BPIFB4: variants seen among roughly 807,000 people sequenced by gnomAD.
The protein encoded by BPIFB4 is BPI fold-containing family B member 4.
In BPIFB4, 62 loss-of-function variants were observed where a neutral mutation model predicts 69.2. The ratio of observed to expected loss-of-function variants is 0.90; its 90% confidence interval spans 0.73 to 1.11. The LOEUF is 1.11. Ranked by LOEUF, BPIFB4 falls within the 50% of genes least tolerant of loss-of-function variation. The pLI is 0.00. For synonymous variants in BPIFB4, 330 were observed against 332.7 expected, an observed-to-expected ratio of 0.99 and a Z score of 0.09; for missense variants, 789 against 792.0, an observed-to-expected ratio of 1.00 and a Z score of 0.04.
chr20:33,101,970 A>C (rs1981920050), intron 14 of BPIFB4, among the ~76,000 whole-genome samples: 1 of 152,232 alleles, frequency 6.6e-6, no homozygotes, highest in African/African-American at 2.4e-5. Flanking sequence ...TTTCTTTTAC[A>C]ACCAATATTT....
At chr20:33,081,444 C>G in intron 2 of BPIFB4, 68 bp from the exon 3 acceptor site, 1 of 1,528,690 alleles carries the variant, frequency 6.5e-7, no homozygotes, top group East Asian at 2.5e-5. Flanking sequence ...CTGGGGCTGC[C>G]TAGTGCTACC....
intron 3 of BPIFB4, 88 bp from the exon 4 acceptor site, chr20:33,082,850 G>T: frequency 1.5e-6 from 2 of 1,297,264 alleles, no homozygotes; most frequent in Middle Eastern, 1.8e-4. Context: ...GAGGCCCAGG[G>T]AGCTGAGCAA....
chr20:33,092,669 GC>G lies in BPIFB4; in HGVS notation c.1344+15del. 1 of 1,601,752 alleles carries G rather than the reference GC, an allele frequency of 6.2e-7. No homozygotes were observed. The stretch of plus-strand genomic sequence containing the variant: ...ATCACCAATGGCATGGTGAGTCACA[GC>G]CCCACCAGGGGGAGGTGGCTGGGCA... On this transcript the variant is annotated intron_variant, in intron 11 of 17. Transcript: ENST00000375483.
chr20:33,094,139 C>T (rs1017714282), intron 11 of BPIFB4, among the ~76,000 whole-genome samples: 11 of 152,190 alleles, frequency 7.2e-5, no homozygotes, highest in Admixed American at 5.2e-4. Flanking sequence ...ACTTGGTGTC[C>T]GTATATAGTT....
At chr20:33,079,931 AG>A (rs1271700255) in intron 1 of BPIFB4, among the ~76,000 whole-genome samples, 2 of 152,316 alleles carry the variant, frequency 1.3e-5, no homozygotes, top group Admixed American at 1.3e-4. Flanking sequence ...CATCTTTCCC[AG>A]GGACGTTGGG....
chr20:33,090,900 A>G (rs1981581629), intron 10 of BPIFB4, 101 bp downstream of exon 10: 24 of 1,382,048 alleles, frequency 1.7e-5, no homozygotes, highest in Non-Finnish European at 2.4e-5. Flanking sequence ...CCTGGGAAGT[A>G]ACACTTGACA....
chr20:33,092,775 C>A (rs1600557792), intron 11 of BPIFB4, 117 bp downstream of exon 11: 2 of 935,460 alleles, frequency 2.1e-6, no homozygotes, highest in Admixed American at 4.1e-5. Flanking sequence ...AGATGGTCCA[C>A]CCCTTGACTC....
chr20:33,106,904 G>A (rs1162775952), intron 16 of BPIFB4, among the ~76,000 whole-genome samples: 6 of 152,134 alleles, frequency 3.9e-5, no homozygotes, highest in African/African-American at 1.4e-4. Context: ...AAGGCCTAGA[G>A]GCATAAAAGA....
rs781671675 is a variant in BPIFB4 at position 33,089,519 on chromosome 20, G to A, written c.1012G>A (p.Val338Met). 1.2e-6 allele frequency: 2 copies of A among 1,614,244 alleles called. No individual in the cohort carries two copies. Among genetic ancestry groups the A allele is most frequent in the South Asian group, 2.2e-5 (2 of 91,084 alleles). Residue 338 changes from valine to methionine, a missense_variant, in exon 9 of 18, where the codon GTG (valine) becomes ATG (methionine). Transcript: ENST00000375483. ...GCAGCTCTGCCCCATCGTGGATGTG[G>A]TGCTGGGTCTTGTCAATGACCAGCT... ...PDLLCPIVDV[V>M]LGLVNDQLGL...
At chr20:33,104,205 G>C (rs963104916) in intron 15 of BPIFB4, among the ~76,000 whole-genome samples, 1 of 152,168 alleles carries the variant, frequency 6.6e-6, no homozygotes, top group African/African-American at 2.4e-5. Context: ...TATGAGGCAA[G>C]GGTTACTCAC....
chr20:33,104,775 C>T (rs759954753), intron 15 of BPIFB4, 35 bp from the exon 16 acceptor site: 2 of 1,608,694 alleles, frequency 1.2e-6, no homozygotes. Context: ...GAGCAAACCC[C>T]CTGCCCAGGC....
chr20:33,097,564 G>A (rs1156747973), intron 12 of BPIFB4, 53 bp from the exon 13 acceptor site: 2 of 1,556,932 alleles, frequency 1.3e-6, no homozygotes, highest in African/African-American at 2.7e-5. Flanking sequence ...ATAACCCCCT[G>A]GGTACCTCCT....
intron 12 of BPIFB4, among the ~76,000 whole-genome samples, chr20:33,095,834 A>C (rs1981738764): frequency 6.6e-6 from 1 of 152,152 alleles, no homozygotes; most frequent in Non-Finnish European, 1.5e-5. Context: ...TTTAAAAAAA[A>C]GCAAGTGTGC....
chr20:33,092,717 T>C lies in BPIFB4; in HGVS notation c.1344+59T>C, dbSNP rs1981642412. The C allele has an allele frequency of 4.7e-6, 7 of 1,483,990 alleles. No individual in the cohort carries two copies. In the East Asian group the frequency reaches 1.6e-4, roughly 34 times the overall value. The allele number at this position is 1,483,990 out of a possible 1,614,324, so 91.9% of individuals were successfully genotyped here. On this transcript the variant is annotated intron_variant, in intron 11 of 17. Coordinates refer to ENST00000375483, the MANE Select transcript of BPIFB4 (RefSeq NM_182519.3). Reference sequence around the variant, plus strand: ...GGCAGCAGACAGCTGCCAGTGACCCTTCTCAGTCTCCACAGACTTGGGGAA... The same window carrying C: ...GGCAGCAGACAGCTGCCAGTGACCCCTCTCAGTCTCCACAGACTTGGGGAA...
intron 6 of BPIFB4, 95 bp downstream of exon 6, chr20:33,085,091 G>C: frequency 6.6e-7 from 1 of 1,511,444 alleles, no homozygotes; most frequent in Non-Finnish European, 8.8e-7. Flanking sequence ...ACTTCTGCCA[G>C]TGCATGCCCA....
At chr20:33,098,006 C>T (rs1448130291) in intron 13 of BPIFB4, among the ~76,000 whole-genome samples, 1 of 152,240 alleles carries the variant, frequency 6.6e-6, no homozygotes, top group Non-Finnish European at 1.5e-5. Flanking sequence ...AGAATCTTAA[C>T]TCTCTTGCTG....
At chr20:33,084,021 C>A in intron 5 of BPIFB4, 147 bp downstream of exon 5, 2 of 967,046 alleles carry the variant, frequency 2.1e-6, no homozygotes, top group Admixed American at 5.8e-5. Context: ...GTTTTAAGAC[C>A]CCCAAGTTAC....
chr20:33,083,887 C>T lies in BPIFB4; in HGVS notation c.677+13C>T, dbSNP rs3926669. ...AAGGCATCACGGGGTAAGGAGGGGA[C>T]GGGTTCTCCCCAGAAAGCCCCCATA... On this transcript the variant is annotated intron_variant, in intron 5 of 17. Coordinates refer to ENST00000375483, the MANE Select transcript of BPIFB4 (RefSeq NM_182519.3). 355,052 of 1,588,288 alleles carry T rather than the reference C, an allele frequency of 0.22. 41,145 individuals are homozygous for T. Among genetic ancestry groups the T allele is most frequent in the Admixed American group, 0.35 (19,799 of 56,776 alleles).
At chr20:33,109,389 T>C (rs6088102) in intron 17 of BPIFB4, among the ~76,000 whole-genome samples, 52,109 of 152,044 alleles carry the variant, frequency 0.34, 9,668 homozygotes, top group Non-Finnish European at 0.4. Flanking sequence ...TGACCTTTCA[T>C]GGACTTGGCC....
Sources: gnomAD v4.1 joint callset for allele counts (sites outside exome capture counted in the v4.1 genomes callset) on GRCh38, gnomAD v4.1.1 for gene constraint, MANE v1.5 for transcripts, NCBI Gene and HGNC (gene_info 2026-07-23, HGNC 2026-07-21) for gene names.